TNFRSF9: variants seen among roughly 807,000 people sequenced by gnomAD.
The protein encoded by TNFRSF9 is tumor necrosis factor receptor superfamily member 9.
A neutral mutation model predicts 28.8 loss-of-function variants in TNFRSF9; 16 were observed. That is an observed-to-expected ratio of 0.55 (90% CI 0.38 to 0.84). The LOEUF (loss-of-function observed/expected upper bound fraction) is 0.84. Among genes scored for constraint, TNFRSF9 ranks in the 40% least tolerant of loss-of-function variants. The pLI is 0.00. For synonymous variants in TNFRSF9, 131 were observed against 117.0 expected (o/e 1.12, Z -0.77); for missense variants, 303 against 315.0 (o/e 0.96, Z 0.29).
intron 5 of TNFRSF9, among the ~76,000 whole-genome samples, chr1:7,936,035 G>A (rs1031286914): frequency 5.9e-5 from 9 of 151,964 alleles, no homozygotes; most frequent in Non-Finnish European, 1.5e-5. Flanking sequence ...AAATCCGCCC[G>A]TCCTCCAGAG....
At chr1:7,939,319 CAAA>C (rs34622301) in intron 2 of TNFRSF9, among the ~76,000 whole-genome samples, 9 of 103,966 alleles carry the variant, frequency 8.7e-5, no homozygotes, top group Admixed American at 2.9e-4. Flanking sequence ...GACTGTGTCT[CAAA>C]AAAAAAAAAA....
At chr1:7,923,282 A>G (rs1249785096) in intron 7 of TNFRSF9, among the ~76,000 whole-genome samples, 2 of 152,222 alleles carry the variant, frequency 1.3e-5, no homozygotes, top group East Asian at 3.9e-4. Context: ...GCCCACCAGG[A>G]AGGACTGAGT....
At chr1:7,924,294 C>CATATATATATATAT (rs58569630) in intron 7 of TNFRSF9, among the ~76,000 whole-genome samples, 3 of 129,994 alleles carry the variant, frequency 2.3e-5, no homozygotes, top group African/African-American at 8.6e-5. Context: ...TAGTATATTC[C>CATATATATATATAT]ATATATATAT....
intron 6 of TNFRSF9, among the ~76,000 whole-genome samples, chr1:7,934,031 T>A (rs1639778154): frequency 2.0e-5 from 3 of 150,634 alleles, no homozygotes; most frequent in Admixed American, 2.0e-4. Context: ...CCCAAAAAAA[T>A]AAAAGAAACT....
chr1:7,921,004 C>G (rs1159771297), intron 7 of TNFRSF9, 81 bp from the exon 8 acceptor site: 22 of 1,004,808 alleles, frequency 2.2e-5, no homozygotes, highest in Non-Finnish European at 3.4e-5. Context: ...ATTATAGCTG[C>G]AGAACATCTC....
chr1:7,917,537 A>G lies in TNFRSF9; in HGVS notation c.*3298T>C, dbSNP rs1430841848. On this transcript the variant is annotated 3_prime_UTR_variant, in exon 8 of 8. Transcript: ENST00000377507. The stretch of plus-strand genomic sequence containing the variant: ...CTACCTCCCAACAGGCACAAAAGCC[A>G]GTTCCTGATACATTAGACTTCAAGA... The G allele has an allele frequency of 6.6e-6, 1 of 152,206 alleles. No homozygotes were observed. The highest frequency in any genetic ancestry group is 1.5e-5 in the Non-Finnish European group (1 of 68,040). The allele number at this position is 152,206 out of a possible 1,614,324, so 9.4% of individuals were successfully genotyped here. A position where few individuals can be genotyped will look rare whatever the true frequency, so the allele number is the denominator to read the frequency against.
Position 7,938,707 on chromosome 1 carries a change from C to A in TNFRSF9, c.208+14G>T, listed in dbSNP as rs980615772. 6.4e-7 allele frequency: 1 copy of A among 1,569,490 alleles called. No individual in the cohort carries two copies. ...ACTATCTTCTAGAAGAAGAAAATAT[C>A]TTTGAACTCATACCTTTACACTGCC... On this transcript the variant is annotated intron_variant, in intron 3 of 7. Coordinates refer to ENST00000377507, the MANE Select transcript of TNFRSF9 (RefSeq NM_001561.6).
chr1:7,924,612 G>C (rs1639611948), intron 7 of TNFRSF9, among the ~76,000 whole-genome samples: 1 of 151,998 alleles, frequency 6.6e-6, no homozygotes, highest in African/African-American at 2.4e-5. Context: ...GGGCAACAGA[G>C]CAAGACTCCT....
chr1:7,932,692 C>T (rs975543648), intron 7 of TNFRSF9, among the ~76,000 whole-genome samples: 3 of 145,654 alleles, frequency 2.1e-5, no homozygotes, highest in Admixed American at 1.3e-4. Context: ...CACGCACGCG[C>T]ACACACACAC....
chr1:7,920,902 G>C lies in TNFRSF9; in HGVS notation c.701C>G (p.Thr234Ser). The C allele has an allele frequency of 6.2e-7, 1 of 1,613,402 alleles. No individual in the cohort carries two copies. ...GCTACAGCCATCTTCCTCTTGAGTAGTTTGTACTGGTCTCATAAATGCTAA... is the reference window on the plus strand; with the variant it reads ...GCTACAGCCATCTTCCTCTTGAGTACTTTGTACTGGTCTCATAAATGCTAA... ...FKQPFMRPVQ[T>S]TQEEDGCSCR... Residue 234 changes from threonine (T) to serine (S), a missense_variant, in exon 8 of 8, where the codon ACT (threonine) becomes AGT (serine). Physicochemically the swap from Thr to Ser is moderately conservative, Grantham distance 58. Transcript: ENST00000377507.
intron 4 of TNFRSF9, among the ~76,000 whole-genome samples, 183 bp from the exon 5 acceptor site, chr1:7,937,939 TG>T (rs1249893573): frequency 6.6e-6 from 1 of 152,240 alleles, no homozygotes; most frequent in Non-Finnish European, 1.5e-5. Context: ...GTATTGTATA[TG>T]TCTGGAACAT....
rs201149426 is a variant in TNFRSF9, at chr1:7,933,257, G to C, written c.584C>G (p.Thr195Arg). 25 of 1,613,782 alleles carry C rather than the reference G, an allele frequency of 1.5e-5. No individual in the cohort carries two copies. Among genetic ancestry groups the C allele is most frequent in the Non-Finnish European group, 1.9e-5 (23 of 1,179,838 alleles). Reference protein sequence around the residue: ...PQIISFFLALTSTALLFLLFF... With the variant: ...PQIISFFLALRSTALLFLLFF... ...CAGCAGGAAGAGCAACGCAGTCGAC[G>C]TCAGCGCAAGAAAGAAGGAGATGAT... Residue 195 changes from threonine (T) to arginine (R), a missense_variant, in exon 7 of 8, where the codon ACG becomes AGG. Thr to Arg is a moderately conservative substitution (Grantham distance 71). Coordinates refer to ENST00000377507, the MANE Select transcript of TNFRSF9 (RefSeq NM_001561.6).
At chr1:7,930,872 T>C (rs745467076) in intron 7 of TNFRSF9, among the ~76,000 whole-genome samples, 5 of 152,098 alleles carry the variant, frequency 3.3e-5, no homozygotes, top group Non-Finnish European at 7.4e-5. Context: ...AACCACAGAA[T>C]AGGAAAAGAT....
chr1:7,934,737 G>GA (rs927965041), intron 6 of TNFRSF9, among the ~76,000 whole-genome samples: 6 of 151,832 alleles, frequency 4.0e-5, no homozygotes, highest in Non-Finnish European at 7.4e-5. Context: ...GAAAAGAAAA[G>GA]AAAAAATATG....
In TNFRSF9 at chr1:7,938,926, A is replaced by G. The variant is rs1639861276; in HGVS notation, c.101-98T>C. On this transcript the variant is annotated intron_variant, in intron 2 of 7. Coordinates refer to ENST00000377507, the MANE Select transcript of TNFRSF9 (RefSeq NM_001561.6). ...AATAAAATAAGATTATAAAAGAATG[A>G]TGAGTTTTCTAGATGCCACAGTGGT... 9 of 826,346 alleles carry G rather than the reference A, an allele frequency of 1.1e-5. No individual in the cohort carries two copies. In the East Asian group the frequency reaches 2.0e-4, roughly 19 times the overall value. 51.2% of individuals were successfully genotyped at this position (826,346 alleles called of 1,614,324 possible).
chr1:7,937,090 G>C (rs1371407649), intron 5 of TNFRSF9, among the ~76,000 whole-genome samples: 1 of 152,232 alleles, frequency 6.6e-6, no homozygotes, highest in Non-Finnish European at 1.5e-5. Flanking sequence ...ATGGAGACAG[G>C]CTGATCAATG....
intron 5 of TNFRSF9, among the ~76,000 whole-genome samples, chr1:7,936,157 T>G (rs1639812219): frequency 6.6e-6 from 1 of 152,214 alleles, no homozygotes; most frequent in African/African-American, 2.4e-5. Flanking sequence ...GGCTCACACC[T>G]GTAATCCCAG....
chr1:7,921,927 T>A (rs1189292477), intron 7 of TNFRSF9: 1 of 152,172 alleles, frequency 6.6e-6, no homozygotes, highest in Non-Finnish European at 1.5e-5. Flanking sequence ...GCACTTATTT[T>A]CGTCTTGAGG....
intron 7 of TNFRSF9, chr1:7,922,023 T>C (rs982344603): frequency 3.3e-5 from 5 of 152,204 alleles, no homozygotes; most frequent in African/African-American, 1.2e-4. Context: ...TGCTTCCATC[T>C]GTTAGGAACC....
Sources: gnomAD v4.1 joint callset for allele counts (sites outside exome capture counted in the v4.1 genomes callset) on GRCh38, gnomAD v4.1.1 for gene constraint, MANE v1.5 for transcripts, NCBI Gene and HGNC (gene_info 2026-07-23, HGNC 2026-07-21) for gene names.